Variants in RLF observed in about 807,000 individuals in gnomAD.
The protein encoded by RLF is zinc finger protein Rlf.
In RLF, 7 loss-of-function variants were observed where a neutral mutation model predicts 162.9. That is an observed-to-expected ratio of 0.04 (90% confidence interval 0.02 to 0.08). The LOEUF (loss-of-function observed/expected upper bound fraction) is 0.08, where lower values mean the gene tolerates loss of function less well. Among genes scored for constraint, RLF ranks in the 10% least tolerant of loss-of-function variants. The probability of loss-of-function intolerance (pLI) is 1.00; values close to 1 mark genes in which losing one functional copy is unlikely to be tolerated. For missense variants in RLF, 1,664 were observed against 2,244.7 expected (o/e 0.74, Z 5.23); for synonymous variants, 782 against 791.5 (o/e 0.99, Z 0.20).
chr1:40,195,790 A>G lies in RLF; in HGVS notation c.607+26A>G, dbSNP rs575653007. 11 of 1,597,214 alleles carry G rather than the reference A, an allele frequency of 6.9e-6. No individual in the cohort carries two copies. In the East Asian group the frequency reaches 2.3e-4, roughly 33 times the overall value. On this transcript the variant is annotated intron_variant, in intron 4 of 7. Transcript: ENST00000372771. ...GTAAGTCTTAAGACTATATTGGATG[A>G]GGATTTAGTTCTGAGAACGTTGGAA...
At position 40,239,272 on chromosome 1, in the gene RLF, A is replaced by G. The variant is rs1423071647; in HGVS notation, c.4570A>G (p.Lys1524Glu). 6.2e-7 allele frequency: 1 copy of G among 1,614,012 alleles called. No homozygotes were observed. The highest frequency in any genetic ancestry group is 8.5e-7 in the Non-Finnish European group (1 of 1,180,014). ...TAAAAAATGTGGCTTAATCAAAGAA[A>G]AGAAAGCCCCAATAAGTTTTAAAAC... The part of the protein sequence containing the change: ...KSKKCGLIKE[K>E]KAPISFKTRA... Residue 1524 changes from lysine to glutamate, a missense_variant, in exon 8 of 8, where the codon AAG (lysine) becomes GAG (glutamate). Around this residue, in one of 15 missense-constraint regions of RLF, gnomAD observed 200 missense variants for 207.3 expected, o/e 0.96. Coordinates refer to ENST00000372771, the MANE Select transcript of RLF (RefSeq NM_012421.4).
chr1:40,166,529 A>C (rs1392224899), intron 1 of RLF, among the ~76,000 whole-genome samples: 1 of 152,096 alleles, frequency 6.6e-6, no homozygotes, highest in African/African-American at 2.4e-5. Flanking sequence ...ATTATAAATC[A>C]TGCTGCTTTA....
intron 5 of RLF, among the ~76,000 whole-genome samples, chr1:40,203,524 CAA>C (rs1642747322): frequency 6.6e-6 from 1 of 151,004 alleles, no homozygotes; most frequent in Non-Finnish European, 1.5e-5. Context: ...GCCTGGGTGA[CAA>C]GAGTGAGACT....
At position 40,222,639 on chromosome 1, in the gene RLF, T is replaced by G; in HGVS notation, c.876T>G (p.Asp292Glu). 1 of 1,613,592 alleles carries G rather than the reference T, an allele frequency of 6.2e-7. No individual in the cohort carries two copies. The highest frequency in any genetic ancestry group is 1.1e-5 in the South Asian group (1 of 91,062). ...GTAATCTGGAATCTGAGGGGCAGGA[T>G]AACACAGCATTTGTTCTTTGTACGA... ...IICNLESEGQDNTAFVLCTTY... is the reference protein window; with the variant it reads ...IICNLESEGQENTAFVLCTTY... The change falls in exon 6 of 8, where the codon GAT (aspartate) becomes GAG (glutamate). Residue 292 changes from aspartate (D) to glutamate (E), a missense_variant. Physicochemically the swap from Asp to Glu is conservative, Grantham distance 45. Around this residue, in one of 15 missense-constraint regions of RLF, gnomAD observed 287 missense variants for 404.9 expected, o/e 0.71. Transcript: ENST00000372771.
chr1:40,228,404 C>T (rs1384584539), intron 6 of RLF, among the ~76,000 whole-genome samples: 2 of 151,048 alleles, frequency 1.3e-5, no homozygotes, highest in Admixed American at 1.3e-4. Context: ...GCCAACATAG[C>T]GAAACCCCGT....
At chr1:40,204,022 G>T (rs1448458681) in intron 5 of RLF, among the ~76,000 whole-genome samples, 1 of 150,560 alleles carries the variant, frequency 6.6e-6, no homozygotes, top group Non-Finnish European at 1.5e-5. Context: ...CAAAGAGCGA[G>T]AGGTCCTCTC....
At chr1:40,206,638 C>T (rs565011730) in intron 5 of RLF, among the ~76,000 whole-genome samples, 56 of 152,290 alleles carry the variant, frequency 3.7e-4, no homozygotes, top group Non-Finnish European at 7.3e-4. Flanking sequence ...ACTCAGAATA[C>T]ATTCAGAATT....
chr1:40,205,058 T>C (rs146600727), intron 5 of RLF, among the ~76,000 whole-genome samples: 18 of 152,374 alleles, frequency 1.2e-4, no homozygotes, highest in Non-Finnish European at 2.1e-4. Context: ...AGGATAATGC[T>C]ACAGCAGTTC....
intron 6 of RLF, 115 bp from the exon 7 acceptor site, chr1:40,231,402 A>G: frequency 1.3e-6 from 1 of 783,948 alleles, no homozygotes; most frequent in East Asian, 2.5e-5. Context: ...CTTTTAATCT[A>G]GTTTTTGTTT....
intron 1 of RLF, among the ~76,000 whole-genome samples, chr1:40,174,106 C>T (rs1642282697): frequency 6.6e-6 from 1 of 152,206 alleles, no homozygotes. Context: ...GGCACGATGG[C>T]TCACGCCTGT....
Position 40,237,564 on chromosome 1 carries a change from T to C in RLF, c.2862T>C (p.Phe954=), listed in dbSNP as rs779843475. ...SMAVCFDGTK[F]TCGFDGCGST... is the part of the protein sequence containing the mutation. Reference sequence around the variant, plus strand: ...CAGTTTGTTTTGACGGGACTAAGTTTACCTGTGGTTTTGATGGCTGTGGTT... The same window carrying C: ...CAGTTTGTTTTGACGGGACTAAGTTCACCTGTGGTTTTGATGGCTGTGGTT... Residue 954 remains phenylalanine (F), a synonymous_variant, in exon 8 of 8, where the codon TTT becomes TTC. Coordinates refer to ENST00000372771, the MANE Select transcript of RLF (RefSeq NM_012421.4). The surrounding 1 kb of genome is among the most constrained non-coding windows in gnomAD (Gnocchi z 4.4). 1.2e-6 allele frequency: 2 copies of C among 1,614,184 alleles called. No individual in the cohort carries two copies. The highest frequency in any genetic ancestry group is 3.3e-5 in the Admixed American group (2 of 60,026).
intron 5 of RLF, among the ~76,000 whole-genome samples, chr1:40,214,430 T>C (rs1178747727): frequency 6.6e-6 from 1 of 152,226 alleles, no homozygotes; most frequent in African/African-American, 2.4e-5. Context: ...TGACCTCAGC[T>C]GGTAATATGC....
chr1:40,169,539 C>G (rs1284603651), intron 1 of RLF, among the ~76,000 whole-genome samples: 1 of 148,146 alleles, frequency 6.8e-6, no homozygotes, highest in East Asian at 2.0e-4. Flanking sequence ...TGGCGTGAAC[C>G]CGGGAGGCGG....
At chr1:40,205,520 C>T (rs1486991039) in intron 5 of RLF, among the ~76,000 whole-genome samples, 13 of 131,566 alleles carry the variant, frequency 9.9e-5, no homozygotes, top group Non-Finnish European at 1.7e-4. Context: ...GACAGAGTCT[C>T]GCACTGTCAC....
chr1:40,240,181 A>C lies in RLF; in HGVS notation c.5479A>C (p.Ile1827Leu). 1.2e-6 allele frequency: 2 copies of C among 1,614,224 alleles called. No individual in the cohort carries two copies. Among genetic ancestry groups the C allele is most frequent in the Non-Finnish European group, 1.7e-6 (2 of 1,180,036 alleles). Reference sequence around the variant, plus strand: ...GAATGACAGTGAACCTGAAGTTGACATACCTCATTCTTCCAGTGACTCTAC... The same window carrying C: ...GAATGACAGTGAACCTGAAGTTGACCTACCTCATTCTTCCAGTGACTCTAC... ...MVNDSEPEVD[I>L]PHSSSDSTIH... Residue 1827 changes from isoleucine (I) to leucine (L), a missense_variant, in exon 8 of 8, where the codon ATA becomes CTA. This residue lies in a region of RLF where 327 missense variants were observed against 342.7 expected (regional missense o/e 0.95). Transcript: ENST00000372771.
chr1:40,166,611 C>T (rs1277259282), intron 1 of RLF, among the ~76,000 whole-genome samples: 2 of 151,882 alleles, frequency 1.3e-5, no homozygotes, highest in Non-Finnish European at 2.9e-5. Context: ...ACCCAGATGT[C>T]CATCAATGAT....
intron 7 of RLF, among the ~76,000 whole-genome samples, chr1:40,232,027 G>C (rs953612703): frequency 1.7e-4 from 26 of 152,128 alleles, no homozygotes; most frequent in African/African-American, 6.3e-4. Flanking sequence ...GGCCAACCTG[G>C]TGAAACCCCG....
Position 40,185,348 on chromosome 1 carries a change from C to G in RLF, c.238-3707C>G, listed in dbSNP as rs183979972. Among the ~76,000 whole-genome samples, 823 of 150,274 alleles carry G rather than the reference C, an allele frequency of 5.5e-3. 10 individuals are homozygous for G. The highest frequency in any genetic ancestry group is 0.018 in the African/African-American group (752 of 41,088). ...GTTTCACCATGTTGGCCAGGCTGGT[C>G]TGAACTCCTGACCTCAAGTGATACA... On this transcript the variant is annotated intron_variant, in intron 1 of 7. Coordinates refer to ENST00000372771, the MANE Select transcript of RLF (RefSeq NM_012421.4).
Position 40,209,534 on chromosome 1 carries a change from A to T in RLF, c.810+6920A>T, listed in dbSNP as rs542054381. On this transcript the variant is annotated intron_variant, in intron 5 of 7. Transcript: ENST00000372771. ...AAACCTGAATTTGCACAGAGAAACAATGTGGTATACACAGAGATAGCCTCC... is the reference window on the plus strand; with the variant it reads ...AAACCTGAATTTGCACAGAGAAACATTGTGGTATACACAGAGATAGCCTCC... 2.0e-4 allele frequency among the ~76,000 whole-genome samples: 31 copies of T among 152,320 alleles called. No homozygotes were observed. The South Asian group carries it at 6.2e-3, about 31-fold the overall frequency.
Sources: gnomAD v4.1 joint callset for allele counts (sites outside exome capture counted in the v4.1 genomes callset) on GRCh38, gnomAD v4.1.1 for gene constraint, gnomAD v4.1.1 regional missense constraint, Gnocchi (gnomAD v3.1) non-coding constraint, MANE v1.5 for transcripts, NCBI Gene and HGNC (gene_info 2026-07-23, HGNC 2026-07-21) for gene names.